HCRTR2: variants seen among roughly 807,000 people sequenced by gnomAD.
HCRTR2 encodes the protein orexin receptor type 2.
Under a neutral mutation model 49.0 loss-of-function variants are expected in HCRTR2, and 22 were observed. The ratio of observed to expected loss-of-function variants is 0.45; its 90% confidence interval spans 0.32 to 0.64. The LOEUF is 0.64. Ranked by LOEUF, HCRTR2 falls within the 30% of genes least tolerant of loss-of-function variation. The pLI is 0.04. For synonymous variants in HCRTR2, 236 were observed against 205.3 expected (o/e 1.15, Z -1.28); for missense variants, 491 against 559.4 (o/e 0.88, Z 1.23).
chr6:55,252,537 C>A (rs1426037270), intron 2 of HCRTR2, among the ~76,000 whole-genome samples: 2 of 151,950 alleles, frequency 1.3e-5, no homozygotes, highest in African/African-American at 4.8e-5. Flanking sequence ...CCCAGGTTAG[C>A]AATGGTATTG....
intron 1 of HCRTR2, among the ~76,000 whole-genome samples, chr6:55,122,380 A>G (rs1468222545): frequency 4.6e-5 from 7 of 151,646 alleles, no homozygotes; most frequent in Admixed American, 4.0e-4. Context: ...CTTGCTAGCG[A>G]TCTATGAATT....
chr6:55,262,945 C>T (rs1011764457), intron 3 of HCRTR2, among the ~76,000 whole-genome samples: 5 of 151,206 alleles, frequency 3.3e-5, no homozygotes, highest in South Asian at 2.1e-4. Flanking sequence ...TAAAAAATTA[C>T]TACAGTCCTA....
chr6:55,274,697 T>G (rs1244185555), intron 4 of HCRTR2, among the ~76,000 whole-genome samples: 1 of 152,140 alleles, frequency 6.6e-6, no homozygotes, highest in Non-Finnish European at 1.5e-5. Context: ...TAAATCTGAT[T>G]GAGCAAATGG....
chr6:55,141,180 A>C (rs1265037596), intron 1 of HCRTR2, among the ~76,000 whole-genome samples: 1 of 58,860 alleles, frequency 1.7e-5, no homozygotes, highest in Non-Finnish European at 3.1e-5. Flanking sequence ...TAAAAATACA[A>C]AAAAAAAAAA....
chr6:55,204,188 G>T (rs1342620022), intron 1 of HCRTR2, among the ~76,000 whole-genome samples: 3 of 151,954 alleles, frequency 2.0e-5, no homozygotes, highest in African/African-American at 7.3e-5. Context: ...CACTCACCAG[G>T]AGCACTCTCA....
intron 4 of HCRTR2, among the ~76,000 whole-genome samples, chr6:55,276,367 T>C (rs1369315021): frequency 1.3e-5 from 2 of 152,210 alleles, no homozygotes; most frequent in African/African-American, 4.8e-5. Flanking sequence ...GAACAGACTT[T>C]GATCTGGTGG....
intron 1 of HCRTR2, among the ~76,000 whole-genome samples, chr6:55,140,381 C>T (rs1002734480): frequency 7.2e-5 from 11 of 151,992 alleles, no homozygotes; most frequent in African/African-American, 2.7e-4. Context: ...TAATTGTTTT[C>T]TTATGATTAG....
intron 1 of HCRTR2, among the ~76,000 whole-genome samples, chr6:55,211,475 G>T (rs1341620534): frequency 3.3e-5 from 5 of 152,118 alleles, no homozygotes; most frequent in Non-Finnish European, 7.4e-5. Flanking sequence ...AGAGAATATA[G>T]ACTTTTTCCC....
downstream of HCRTR2, among the ~76,000 whole-genome samples, chr6:55,283,821 CAG>C (rs1490914507): frequency 6.6e-6 from 1 of 152,010 alleles, no homozygotes; most frequent in Admixed American, 6.6e-5. Flanking sequence ...CCATTACACT[CAG>C]AGAAAAGTAA....
intron 2 of HCRTR2, among the ~76,000 whole-genome samples, chr6:55,251,787 A>G (rs1766555413): frequency 6.6e-6 from 1 of 152,098 alleles, no homozygotes; most frequent in African/African-American, 2.4e-5. Context: ...GAAATCCCCA[A>G]ACATTATCCT....
At chr6:55,110,957 T>C (rs966798123) in intron 1 of HCRTR2, among the ~76,000 whole-genome samples, 5 of 152,046 alleles carry the variant, frequency 3.3e-5, no homozygotes, top group Non-Finnish European at 5.9e-5. Flanking sequence ...TTCTTCAAGA[T>C]AGATCATATG....
At chr6:55,238,464 T>C (rs1766256937) in intron 1 of HCRTR2, among the ~76,000 whole-genome samples, 1 of 152,224 alleles carries the variant, frequency 6.6e-6, no homozygotes, top group South Asian at 2.1e-4. Flanking sequence ...GATATTGCCA[T>C]TCTGTTGCTT....
chr6:55,210,748 ACTC>A (rs1323403232), intron 1 of HCRTR2, among the ~76,000 whole-genome samples: 5 of 152,020 alleles, frequency 3.3e-5, no homozygotes, highest in African/African-American at 1.2e-4. Flanking sequence ...ACAAATTTCT[ACTC>A]CTTTTCATAA....
intron 1 of HCRTR2, among the ~76,000 whole-genome samples, chr6:55,242,276 G>T (rs1766350832): frequency 6.6e-6 from 1 of 151,952 alleles, no homozygotes; most frequent in South Asian, 2.1e-4. Context: ...TCACCTTATA[G>T]TGCAACCATC....
intron 1 of HCRTR2, among the ~76,000 whole-genome samples, chr6:55,159,639 A>G (rs1415272616): frequency 1.3e-5 from 2 of 152,226 alleles, no homozygotes; most frequent in Non-Finnish European, 2.9e-5. Context: ...AGAGAAGAGC[A>G]TAAATGACCT....
intron 1 of HCRTR2, among the ~76,000 whole-genome samples, chr6:55,129,764 C>T (rs1270910347): frequency 6.6e-6 from 1 of 151,856 alleles, no homozygotes; most frequent in South Asian, 2.1e-4. Context: ...TTTACTTTGT[C>T]CCTATAAAAT....
chr6:55,214,504 A>AT (rs1180616599), intron 1 of HCRTR2, among the ~76,000 whole-genome samples: 10 of 151,576 alleles, frequency 6.6e-5, no homozygotes, highest in African/African-American at 9.7e-5. Flanking sequence ...ATTAATTTTT[A>AT]TTTTTTTATT....
At chr6:55,239,782 T>TG (rs1465093122) in intron 1 of HCRTR2, among the ~76,000 whole-genome samples, 1 of 148,148 alleles carries the variant, frequency 6.8e-6, no homozygotes, top group Non-Finnish European at 1.5e-5. Context: ...ATTTTTTTTT[T>TG]TTTTTTTTTT....
intron 1 of HCRTR2, among the ~76,000 whole-genome samples, chr6:55,135,995 G>T (rs1764428710): frequency 6.6e-6 from 1 of 152,246 alleles, no homozygotes; most frequent in Non-Finnish European, 1.5e-5. Flanking sequence ...TTAATTGCAT[G>T]CCTGCTTCCC....
Sources: gnomAD v4.1 joint callset for allele counts (sites outside exome capture counted in the v4.1 genomes callset) on GRCh38, gnomAD v4.1.1 for gene constraint, MANE v1.5 for transcripts, NCBI Gene and HGNC (gene_info 2026-07-23, HGNC 2026-07-21) for gene names.